ACYP2: variants seen among roughly 807,000 people sequenced by gnomAD.
The protein encoded by ACYP2 is acylphosphatase-2.
ACYP2 carries 12 observed loss-of-function variants against 11.2 expected under a neutral mutation model. That is an observed-to-expected ratio of 1.08 (90% CI 0.69 to 1.74). ACYP2 has a LOEUF of 1.74. ACYP2 is among the 40% of genes most tolerant of loss of function. ACYP2 has a pLI of 0.00. For missense variants in ACYP2, 134 were observed against 101.9 expected, an observed-to-expected ratio of 1.31 and a Z score of -1.35; for synonymous variants, 43 against 32.2, an observed-to-expected ratio of 1.33 and a Z score of -1.13.
At chr2:54,042,511 T>G (rs1675287922) in intron 2 of ACYP2, among the ~76,000 whole-genome samples, 1 of 152,254 alleles carries the variant, frequency 6.6e-6, no homozygotes, top group South Asian at 2.1e-4. Flanking sequence ...TTTAGCTTAT[T>G]CTGGGAGCAA....
chr2:54,085,139 A>G (rs574373737), intron 4 of ACYP2: 1 of 152,362 alleles, frequency 6.6e-6, no homozygotes, highest in South Asian at 2.1e-4. Flanking sequence ...TCCTGGAAAT[A>G]TATTCCTGGT....
intron 6 of ACYP2, chr2:54,255,658 T>C (rs1323791854): frequency 6.2e-7 from 1 of 1,613,850 alleles, no homozygotes. Context: ...GCCTCCTGGC[T>C]TCTCATCCAC....
intron 2 of ACYP2, among the ~76,000 whole-genome samples, chr2:53,983,388 C>G (rs1156837698): frequency 6.6e-6 from 1 of 152,078 alleles, no homozygotes; most frequent in Non-Finnish European, 1.5e-5. Context: ...TGCCTGTAGT[C>G]CGAGCTACTT....
intron 6 of ACYP2, among the ~76,000 whole-genome samples, chr2:54,264,631 C>T (rs182722723): frequency 1.3e-5 from 2 of 152,254 alleles, no homozygotes; most frequent in East Asian, 3.9e-4. Context: ...AAAGGGATGC[C>T]GGTCTGGAGA....
At chr2:54,075,992 TAA>T (rs1397009409) in intron 4 of ACYP2, among the ~76,000 whole-genome samples, 1 of 152,230 alleles carries the variant, frequency 6.6e-6, no homozygotes, top group Non-Finnish European at 1.5e-5. Flanking sequence ...TTTTGCATTA[TAA>T]AAAGTGTTTT....
chr2:53,999,109 C>G (rs185533324), intron 2 of ACYP2, among the ~76,000 whole-genome samples: 1 of 152,112 alleles, frequency 6.6e-6, no homozygotes, highest in Non-Finnish European at 1.5e-5. Context: ...ATTATCTCTG[C>G]TACATAAAGG....
At chr2:54,031,085 A>G (rs769506150) in intron 2 of ACYP2, among the ~76,000 whole-genome samples, 3 of 152,122 alleles carry the variant, frequency 2.0e-5, no homozygotes, top group South Asian at 2.1e-4. Context: ...GTTATGTCTC[A>G]TTGGTGTCAG....
chr2:54,027,306 C>T (rs1305996397), intron 2 of ACYP2, among the ~76,000 whole-genome samples: 1 of 152,154 alleles, frequency 6.6e-6, no homozygotes, highest in Non-Finnish European at 1.5e-5. Context: ...ACCATAAAAA[C>T]TTGGAGGGTC....
intron 6 of ACYP2, among the ~76,000 whole-genome samples, chr2:54,301,164 T>C (rs928941410): frequency 1.3e-5 from 2 of 152,256 alleles, no homozygotes; most frequent in African/African-American, 4.8e-5. Flanking sequence ...GCTTTAAGAC[T>C]TTCTTCTGGC....
At chr2:54,123,336 A>C (rs1373671864) in intron 4 of ACYP2, 1 of 398,566 alleles carries the variant, frequency 2.5e-6, no homozygotes, top group East Asian at 3.6e-5. Context: ...TTTGGTATGG[A>C]GTGATAGGAA....
rs1171705861 is a variant in ACYP2, at chr2:54,241,453, A to G, written c.405-63235A>G. On this transcript the variant is annotated intron_variant, in intron 6 of 6. Coordinates refer to ENST00000607452, the MANE Select transcript of ACYP2 (RefSeq NM_001320586.2). ...GGCTTAGCTTGAAAAAATTCAAGGC[A>G]TGATACCCTGGGCTTTCCCTCAAAC... is the stretch of plus-strand genomic sequence containing the variant. Among the ~76,000 whole-genome samples, 26 of 152,192 alleles carry G rather than the reference A, an allele frequency of 1.7e-4. 1 individual carries two copies. Among genetic ancestry groups the G allele is most frequent in the Admixed American group, 1.7e-3 (26 of 15,278 alleles).
chr2:54,131,339 G>T (rs1232192517), intron 4 of ACYP2, among the ~76,000 whole-genome samples: 1 of 152,156 alleles, frequency 6.6e-6, no homozygotes, highest in African/African-American at 2.4e-5. Context: ...TAGGCTAATG[G>T]TCTTTGTCAT....
intron 4 of ACYP2, among the ~76,000 whole-genome samples, chr2:54,124,318 C>T (rs894648815): frequency 2.0e-5 from 3 of 152,156 alleles, no homozygotes; most frequent in Admixed American, 6.5e-5. Flanking sequence ...CCTCAGCCTC[C>T]TGTGTAGCTG....
chr2:54,112,269 C>T (rs1286490532), intron 4 of ACYP2, among the ~76,000 whole-genome samples: 1 of 152,136 alleles, frequency 6.6e-6, no homozygotes, highest in African/African-American at 2.4e-5. Flanking sequence ...AGTAGTAACA[C>T]AAAGCCTAGT....
At chr2:54,023,251 C>A (rs756276929) in intron 2 of ACYP2, among the ~76,000 whole-genome samples, 2 of 151,838 alleles carry the variant, frequency 1.3e-5, no homozygotes, top group Non-Finnish European at 2.9e-5. Context: ...TTTTATTATT[C>A]TTGAATAATC....
intron 2 of ACYP2, among the ~76,000 whole-genome samples, chr2:53,986,617 A>G (rs866001831): frequency 6.9e-5 from 10 of 145,552 alleles, no homozygotes; most frequent in Admixed American, 6.2e-4. Context: ...GGCGTGAGCC[A>G]CCAAACCCGG....
intron 6 of ACYP2, among the ~76,000 whole-genome samples, chr2:54,242,580 AAC>A (rs1363941306): frequency 6.6e-6 from 1 of 152,238 alleles, no homozygotes; most frequent in Non-Finnish European, 1.5e-5. Context: ...CTGCATATAT[AAC>A]AGTGGTCCCA....
intron 6 of ACYP2, among the ~76,000 whole-genome samples, chr2:54,141,451 T>G (rs1346709228): frequency 2.0e-5 from 3 of 152,222 alleles, no homozygotes; most frequent in African/African-American, 4.8e-5. Context: ...GATGAGATAT[T>G]GGACCAACTA....
chr2:54,269,073 A>G (rs1688167089), intron 6 of ACYP2, among the ~76,000 whole-genome samples: 1 of 152,236 alleles, frequency 6.6e-6, no homozygotes, highest in South Asian at 2.1e-4. Flanking sequence ...CTCAGCCAGG[A>G]GTGAAACTGT....
Sources: gnomAD v4.1 joint callset for allele counts (sites outside exome capture counted in the v4.1 genomes callset) on GRCh38, gnomAD v4.1.1 for gene constraint, MANE v1.5 for transcripts, NCBI Gene and HGNC (gene_info 2026-07-23, HGNC 2026-07-21) for gene names.